Variants in TJP2 observed in about 807,000 individuals in gnomAD.
The protein encoded by TJP2 is tight junction protein 2, also known as Friedreich ataxia region gene X104 (tight junction protein ZO-2).
In TJP2, 91 loss-of-function variants were observed where a neutral mutation model predicts 133.1. That is an observed-to-expected ratio of 0.68 (90% CI 0.58 to 0.81). The LOEUF is 0.81. TJP2 is among the 40% of genes least tolerant of loss of function. TJP2 has a pLI of 0.00. For synonymous variants in TJP2, 592 were observed against 583.4 expected, an observed-to-expected ratio of 1.01 and a Z score of -0.21; for missense variants, 1,541 against 1,565.6, an observed-to-expected ratio of 0.98 and a Z score of 0.26.
chr9:69,207,778 T>A (rs974557224), intron 1 of TJP2, among the ~76,000 whole-genome samples: 2 of 152,212 alleles, frequency 1.3e-5, no homozygotes, highest in Non-Finnish European at 2.9e-5. Context: ...TGGCCTAGTT[T>A]GAATGTCAGG....
At chr9:69,210,479 A>G (rs1361337842) in intron 1 of TJP2, among the ~76,000 whole-genome samples, 1 of 152,192 alleles carries the variant, frequency 6.6e-6, no homozygotes, top group Non-Finnish European at 1.5e-5. Context: ...ATTTCACCTG[A>G]AAATTCACTT....
At chr9:69,199,121 A>G (rs558557679) in intron 1 of TJP2, among the ~76,000 whole-genome samples, 27 of 152,258 alleles carry the variant, frequency 1.8e-4, no homozygotes, top group African/African-American at 6.5e-4. Context: ...GGAACTATAA[A>G]AGTCCTCTTT....
intron 1 of TJP2, among the ~76,000 whole-genome samples, chr9:69,175,315 C>G (rs1241916024): frequency 6.6e-6 from 1 of 152,212 alleles, no homozygotes; most frequent in Non-Finnish European, 1.5e-5. Context: ...GCTTCTCACT[C>G]ACGCTCTCAG....
upstream of TJP2, among the ~76,000 whole-genome samples, chr9:69,172,996 CT>C (rs1487565416): frequency 6.6e-6 from 1 of 152,144 alleles, no homozygotes; most frequent in East Asian, 1.9e-4. Context: ...ACTCACAGTG[CT>C]TTTTATCCAG....
At chr9:69,150,082 G>A (rs62567102) in intron 1 of TJP2, among the ~76,000 whole-genome samples, 57,415 of 151,586 alleles carry the variant, frequency 0.38, 11,035 homozygotes, top group Non-Finnish European at 0.4. Context: ...CCCAGGAGGC[G>A]GTGGTTGCAG....
chr9:69,236,108 C>T lies in TJP2; in HGVS notation c.1861C>T (p.Gln621Ter), dbSNP rs759812740. 6.8e-6 allele frequency: 11 copies of T among 1,614,202 alleles called. No individual in the cohort carries two copies. The highest frequency in any genetic ancestry group is 9.3e-6 in the Non-Finnish European group (11 of 1,180,040). ...CTTTGAATGTGAGAAGGAAACTCCACAGAGCCTGGCCTTCACCAGAGGGGA... is the reference window on the plus strand; with the variant it reads ...CTTTGAATGTGAGAAGGAAACTCCATAGAGCCTGGCCTTCACCAGAGGGGA... ...SHFECEKETP[Q>*]SLAFTRGEVF... The change falls in exon 13 of 23, where the codon CAG becomes TAG. Residue 621 changes from glutamine (Q) to a stop codon, truncating the protein, a stop_gained. Coordinates refer to ENST00000377245, the MANE Select transcript of TJP2 (RefSeq NM_004817.4). LOFTEE classifies it high-confidence loss of function.
chr9:69,233,798 C>G (rs1829967191), intron 11 of TJP2, among the ~76,000 whole-genome samples: 1 of 151,972 alleles, frequency 6.6e-6, no homozygotes, highest in South Asian at 2.1e-4. Flanking sequence ...CCACATAGCA[C>G]TATGATTTCA....
intron 19 of TJP2, chr9:69,248,815 A>G: frequency 1.0e-6 from 1 of 995,014 alleles, no homozygotes; most frequent in Non-Finnish European, 1.2e-6. Flanking sequence ...GTCACAGCCA[A>G]GTTAGCAATT....
At chr9:69,170,651 C>T (rs879801789), upstream of TJP2, among the ~76,000 whole-genome samples, 1 of 152,202 alleles carries the variant, frequency 6.6e-6, no homozygotes, top group Non-Finnish European at 1.5e-5. Flanking sequence ...ATCATCAGTT[C>T]TTACCTTAAT....
rs139636763 is a variant in TJP2, at chr9:69,252,885, C to T, written c.3392C>T (p.Thr1131Met). The T allele has an allele frequency of 1.4e-4, 226 of 1,614,054 alleles. 1 individual carries two copies. Among genetic ancestry groups the T allele is most frequent in the Non-Finnish European group, 1.7e-4 (197 of 1,180,042 alleles). The change falls in exon 22 of 23, where the codon ACG becomes ATG. Residue 1131 changes from threonine to methionine, a missense_variant. By Grantham distance (81) the Thr-to-Met change is moderately conservative. Transcript: ENST00000377245. ...AAAACGCACAAGCCAGACCCTGGCA[C>T]GCCCCAGCACACGAGGTAAGGGCTG... ...PIKTHKPDPGTPQHTSSRPPE... is the reference protein window; with the variant it reads ...PIKTHKPDPGMPQHTSSRPPE...
At chr9:69,227,331 A>G (rs1178073043) in intron 7 of TJP2, among the ~76,000 whole-genome samples, 1 of 152,138 alleles carries the variant, frequency 6.6e-6, no homozygotes, top group Non-Finnish European at 1.5e-5. Flanking sequence ...TGACCCCAAT[A>G]GCATCTGCAT....
At chr9:69,174,912 T>G (rs1398457141) in intron 1 of TJP2, among the ~76,000 whole-genome samples, 9 of 12,922 alleles carry the variant, frequency 7.0e-4, no homozygotes, top group African/African-American at 1.8e-3. Context: ...AAAAGTTGTT[T>G]TTTTTTTTTT....
At chr9:69,159,312 C>T (rs937617058) in intron 2 of TJP2, among the ~76,000 whole-genome samples, 1 of 151,830 alleles carries the variant, frequency 6.6e-6, no homozygotes, top group Admixed American at 6.6e-5. Flanking sequence ...CAAAGTGAGA[C>T]CCTGTCTCCA....
At chr9:69,207,343 CT>C (rs1827513359) in intron 1 of TJP2, among the ~76,000 whole-genome samples, 1 of 152,014 alleles carries the variant, frequency 6.6e-6, no homozygotes, top group South Asian at 2.1e-4. Context: ...TTTTGCTCAA[CT>C]TTATGTTTGA....
In TJP2 at chr9:69,229,168, G is replaced by A. The variant is rs1275846788; in HGVS notation, c.1454-16G>A. On this transcript the variant is annotated splice_polypyrimidine_tract_variant and intron_variant, in intron 9 of 22. Transcript: ENST00000377245. ...TTAGTCCAGATTGATAACAGTAGAT[G>A]TTTCTTAACCTACAGCTCCTCAACC... 1 of 1,613,248 alleles carries A rather than the reference G, an allele frequency of 6.2e-7. No individual in the cohort carries two copies. The highest frequency in any genetic ancestry group is 2.2e-5 in the East Asian group (1 of 44,860).
chr9:69,225,479 C>A, intron 6 of TJP2, 72 bp downstream of exon 6: 1 of 1,006,728 alleles, frequency 9.9e-7, no homozygotes, highest in Non-Finnish European at 1.6e-6. Flanking sequence ...CATTCAGCAC[C>A]CACACAGTGA....
chr9:69,174,826 A>T (rs1262885570), intron 1 of TJP2, among the ~76,000 whole-genome samples: 2 of 152,024 alleles, frequency 1.3e-5, no homozygotes, highest in Non-Finnish European at 2.9e-5. Flanking sequence ...AGGCTTGTGT[A>T]CGTGAGAGAA....
At chr9:69,153,288 A>G (rs1029101084) in intron 2 of TJP2, among the ~76,000 whole-genome samples, 2 of 152,058 alleles carry the variant, frequency 1.3e-5, no homozygotes, top group Non-Finnish European at 2.9e-5. Flanking sequence ...AGACTCCAGA[A>G]ATTGTTTTCC....
At position 69,145,867 on chromosome 9, in the gene TJP2, T is replaced by C. The variant is rs1823190487; in HGVS notation, c.-130-5784T>C. On this transcript the variant is annotated intron_variant, in intron 1 of 5. Transcript: ENST00000423935. Reference sequence around the variant, plus strand: ...TTCTCACTATAGATGTAAATACTTTTTGTCTGTTTTGGGGACCCATATAGA... The same window carrying C: ...TTCTCACTATAGATGTAAATACTTTCTGTCTGTTTTGGGGACCCATATAGA... 5 of 1,181,080 alleles carry C rather than the reference T, an allele frequency of 4.2e-6. No homozygotes were observed. In the South Asian group the frequency reaches 1.3e-4, roughly 30 times the overall value. The allele number at this position is 1,181,080 out of a possible 1,614,324, so 73.2% of individuals were successfully genotyped here.
Sources: gnomAD v4.1 joint callset for allele counts (sites outside exome capture counted in the v4.1 genomes callset) on GRCh38, gnomAD v4.1.1 for gene constraint, MANE v1.5 for transcripts, NCBI Gene and HGNC (gene_info 2026-07-23, HGNC 2026-07-21) for gene names.